DLC1: variants seen among roughly 807,000 people sequenced by gnomAD.
The protein encoded by DLC1 is rho GTPase-activating protein 7.
Under a neutral mutation model 140.3 loss-of-function variants are expected in DLC1, and 54 were observed. The ratio of observed to expected loss-of-function variants is 0.38; its 90% CI spans 0.31 to 0.48. The LOEUF is 0.48. Among genes scored for constraint, DLC1 ranks in the 20% least tolerant of loss-of-function variants. DLC1 has a pLI of 0.96. For missense variants in DLC1, 2,536 were observed against 1,907.0 expected, an observed-to-expected ratio of 1.33 and a Z score of -6.14; for synonymous variants, 986 against 728.1, an observed-to-expected ratio of 1.35 and a Z score of -5.70.
chr8:13,505,075 T>C (rs939964814), intron 1 of DLC1, among the ~76,000 whole-genome samples: 3 of 152,146 alleles, frequency 2.0e-5, no homozygotes, highest in Admixed American at 6.6e-5. Flanking sequence ...TTAATAGTTA[T>C]AGAGAACACT....
chr8:13,366,501 C>G (rs1014372409), intron 4 of DLC1, among the ~76,000 whole-genome samples: 2 of 152,078 alleles, frequency 1.3e-5, no homozygotes, highest in Non-Finnish European at 2.9e-5. Flanking sequence ...ATAAATAAAC[C>G]CAACAAGTTA....
chr8:13,177,554 G>C (rs769707451), intron 5 of DLC1, among the ~76,000 whole-genome samples: 16 of 152,112 alleles, frequency 1.1e-4, no homozygotes, highest in Non-Finnish European at 1.9e-4. Flanking sequence ...ATACACTTGG[G>C]TTAAGTGGTT....
At chr8:13,227,312 G>T (rs905195376) in intron 5 of DLC1, among the ~76,000 whole-genome samples, 1 of 152,114 alleles carries the variant, frequency 6.6e-6, no homozygotes, top group African/African-American at 2.4e-5. Context: ...GGTGCCAGGT[G>T]CTCATATGTT....
At chr8:13,201,189 A>G (rs142985872) in intron 5 of DLC1, among the ~76,000 whole-genome samples, 2,439 of 152,242 alleles carry the variant, frequency 0.016, 68 homozygotes, top group African/African-American at 0.055. Flanking sequence ...ACTGGATCCA[A>G]GGTTTTGGGA....
At chr8:13,094,699 A>G in intron 12 of DLC1, 60 bp downstream of exon 12, 1 of 1,594,170 alleles carries the variant, frequency 6.3e-7, no homozygotes, top group South Asian at 1.1e-5. Flanking sequence ...GGAAGCTACA[A>G]GCTTCAGTTG....
intron 1 of DLC1, among the ~76,000 whole-genome samples, chr8:13,575,282 T>A (rs1344724215): frequency 6.6e-6 from 1 of 152,162 alleles, no homozygotes; most frequent in Non-Finnish European, 1.5e-5. Context: ...ATGTCAGGAC[T>A]AATGGTGCCA....
intron 4 of DLC1, among the ~76,000 whole-genome samples, chr8:13,335,414 G>C (rs986049663): frequency 1.3e-5 from 2 of 152,072 alleles, no homozygotes; most frequent in African/African-American, 4.8e-5. Flanking sequence ...TTTTCTCTAC[G>C]GAATACTAAT....
rs1377590473 is a variant in DLC1 at position 13,110,790 on chromosome 8, T to A, written c.1454A>T (p.Lys485Met). 1 of 1,614,000 alleles carries A rather than the reference T, an allele frequency of 6.2e-7. No homozygotes were observed. Among genetic ancestry groups the A allele is most frequent in the Non-Finnish European group, 8.5e-7 (1 of 1,180,022 alleles). ...TCTGTCCAAAAAATCATGCTCTCTC[T>A]TGACCAAGGAAATATCGATGGGGAA... is the stretch of plus-strand genomic sequence containing the variant. ...FLFPIDISLV[K>M]REHDFLDRDA... Residue 485 changes from lysine (K) to methionine (M), a missense_variant, in exon 7 of 18, where the codon AAG (lysine) becomes ATG (methionine). Coordinates refer to ENST00000276297, the MANE Select transcript of DLC1 (RefSeq NM_182643.3).
chr8:13,151,399 CAG>C (rs1346389147), intron 5 of DLC1, among the ~76,000 whole-genome samples: 5 of 152,130 alleles, frequency 3.3e-5, no homozygotes, highest in Non-Finnish European at 5.9e-5. Context: ...GGAATTTAGG[CAG>C]AATTTGAACA....
At chr8:13,355,161 A>G (rs1834871896) in intron 4 of DLC1, among the ~76,000 whole-genome samples, 1 of 135,718 alleles carries the variant, frequency 7.4e-6, no homozygotes, top group Non-Finnish European at 1.6e-5. Flanking sequence ...TCAAATTTTT[A>G]ATAGACTTTG....
Position 13,400,805 on chromosome 8 carries a change from C to A in DLC1, c.1173+665G>T, listed in dbSNP as rs758377283. Among the ~76,000 whole-genome samples the A allele has an allele frequency of 2.0e-5, 3 of 151,932 alleles. No individual in the cohort carries two copies. The South Asian group carries it at 6.3e-4, about 32-fold the overall frequency. Reference sequence around the variant, plus strand: ...CATCCTAGATCTGCACAAACTAAGGCCTTTAATATGATGCTGATAGTAAAT... The same window carrying A: ...CATCCTAGATCTGCACAAACTAAGGACTTTAATATGATGCTGATAGTAAAT... On this transcript the variant is annotated intron_variant, in intron 3 of 17. Transcript: ENST00000276297.
chr8:13,532,723 G>A (rs1291117950), intron 1 of DLC1, among the ~76,000 whole-genome samples: 1 of 152,108 alleles, frequency 6.6e-6, no homozygotes, highest in African/African-American at 2.4e-5. Context: ...CCATAGTGCT[G>A]GGACTACAGG....
In DLC1 at chr8:13,431,482, C is replaced by CAAAAAAAAA. The variant is rs56057254; in HGVS notation, c.1024-29872_1024-29864dup. ...TGGGCCACAGAGCGAGACTCCGTCT[C>CAAAAAAAAA]AAAAAAAAAAAAAAAAAAAAAAAAA... On this transcript the variant is annotated intron_variant, in intron 2 of 17. Transcript: ENST00000276297. 1.7e-3 allele frequency among the ~76,000 whole-genome samples: 71 copies of CAAAAAAAAA among 40,610 alleles called. 8 individuals carry two copies. Among genetic ancestry groups the CAAAAAAAAA allele is most frequent in the African/African-American group, 3.0e-3 (26 of 8,674 alleles). The allele number at this position is 40,610 out of a possible 152,430, so 26.6% of individuals were successfully genotyped here. A position where few individuals can be genotyped will look rare whatever the true frequency, so the allele number is the denominator to read the frequency against.
rs71207163 is a variant in DLC1, at chr8:13,551,075, C to CACACACTTT, written c.-125-50880_-125-50879insAAAGTGTGT. On this transcript the variant is annotated intron_variant, in intron 1 of 1. Coordinates refer to the DLC1 transcript ENST00000631382. ...ACACACACACACACACACACACACA[C>CACACACTTT]TTTTTTTTTTTTTCCAAAGAACACT... 4.5e-3 allele frequency among the ~76,000 whole-genome samples: 549 copies of CACACACTTT among 121,672 alleles called. 3 individuals carry two copies. The highest frequency in any genetic ancestry group is 5.7e-3 in the Non-Finnish European group (340 of 60,136). 79.8% of individuals were successfully genotyped at this position (121,672 alleles called of 152,430 possible). A position where few individuals can be genotyped will look rare whatever the true frequency, so the allele number is the denominator to read the frequency against.
intron 1 of DLC1, among the ~76,000 whole-genome samples, chr8:13,559,895 C>G (rs1447732440): frequency 6.7e-6 from 1 of 150,008 alleles, no homozygotes; most frequent in Non-Finnish European, 1.5e-5. Flanking sequence ...TAGCACTGCC[C>G]AAAGGCTGAT....
chr8:13,305,167 A>G, intron 5 of DLC1, 102 bp downstream of exon 5: 2 of 1,479,446 alleles, frequency 1.4e-6, no homozygotes, highest in South Asian at 1.4e-5. Flanking sequence ...CCATATATTC[A>G]TGAGATGTAT....
intron 2 of DLC1, among the ~76,000 whole-genome samples, chr8:13,461,067 G>C (rs764675131): frequency 2.6e-5 from 4 of 152,156 alleles, no homozygotes; most frequent in African/African-American, 7.2e-5. Context: ...TAAATTAGCT[G>C]GGCATGGTGG....
intron 4 of DLC1, among the ~76,000 whole-genome samples, chr8:13,319,682 T>A (rs879399089): frequency 2.0e-5 from 3 of 152,152 alleles, no homozygotes; most frequent in Admixed American, 6.5e-5. Flanking sequence ...GTTCAGTGTG[T>A]GGAATCGTCA....
chr8:13,480,398 G>A (rs939763387), intron 2 of DLC1, among the ~76,000 whole-genome samples: 3 of 151,990 alleles, frequency 2.0e-5, no homozygotes, highest in African/African-American at 4.8e-5. Context: ...TAGAAAGAAC[G>A]TAAAAGAAAA....
Sources: gnomAD v4.1 joint callset for allele counts (sites outside exome capture counted in the v4.1 genomes callset) on GRCh38, gnomAD v4.1.1 for gene constraint, MANE v1.5 for transcripts, NCBI Gene and HGNC (gene_info 2026-07-23, HGNC 2026-07-21) for gene names.